Variants in PLEKHM2 observed in about 807,000 individuals in gnomAD.
PLEKHM2 encodes the protein pleckstrin homology and RUN domain containing M2.
Under a neutral mutation model 116.3 loss-of-function variants are expected in PLEKHM2, and 77 were observed. That is an observed-to-expected ratio of 0.66 (90% CI 0.55 to 0.80). The LOEUF is 0.80. PLEKHM2 is among the 30% of genes least tolerant of loss of function. The pLI, the probability that PLEKHM2 is intolerant of heterozygous loss-of-function variation, is 0.00. For synonymous variants in PLEKHM2, 562 were observed against 571.0 expected, an observed-to-expected ratio of 0.98 and a Z score of 0.22; for missense variants, 1,183 against 1,354.9, an observed-to-expected ratio of 0.87 and a Z score of 1.99.
intron 6 of PLEKHM2, chr1:15,720,301 C>T: frequency 1.0e-6 from 1 of 983,668 alleles, no homozygotes; most frequent in Non-Finnish European, 1.2e-6. Context: ...TGTCTGACCC[C>T]ACATTCTTTG....
At chr1:15,703,766 G>A (rs1641165001) in intron 1 of PLEKHM2, among the ~76,000 whole-genome samples, 1 of 152,118 alleles carries the variant, frequency 6.6e-6, no homozygotes, top group African/African-American at 2.4e-5. Flanking sequence ...TTGGCTTGTT[G>A]GAGTGTACCA....
chr1:15,689,227 A>T (rs1426938298), intron 1 of PLEKHM2, among the ~76,000 whole-genome samples: 2 of 149,470 alleles, frequency 1.3e-5, no homozygotes, highest in East Asian at 3.9e-4. Flanking sequence ...CCTGGGCAAA[A>T]AGAGCGAAAC....
rs2068048996 is a variant in PLEKHM2 at position 15,725,357 on chromosome 1, A to G, written c.753A>G (p.Thr251=). The G allele has an allele frequency of 3.2e-6, 5 of 1,551,418 alleles. No homozygotes were observed. In the East Asian group the frequency reaches 1.2e-4, roughly 38 times the overall value. The change falls in exon 8 of 20, where the codon ACA becomes ACG. Residue 251 remains threonine, a synonymous_variant. Coordinates refer to ENST00000375799, the MANE Select transcript of PLEKHM2 (RefSeq NM_015164.4). ...ACACGGTCAGTGGTCCCCGCTCCAC[A>G]GCCTCCGACCTGACCAGCAGCAAGG... ...LTDTVSGPRS[T]ASDLTSSKAS... is the part of the protein sequence containing the mutation.
At chr1:15,688,622 C>T (rs534434874) in intron 1 of PLEKHM2, among the ~76,000 whole-genome samples, 10 of 136,746 alleles carry the variant, frequency 7.3e-5, no homozygotes, top group Non-Finnish European at 1.5e-4. Flanking sequence ...TGCACTCCAG[C>T]GTGGGTGACA....
upstream of PLEKHM2, among the ~76,000 whole-genome samples, chr1:15,683,706 CCCCAGCAGGTGGGGTTGGGG>C (rs1428209817): frequency 6.7e-6 from 1 of 148,742 alleles, no homozygotes; most frequent in African/African-American, 2.5e-5. Flanking sequence ...CTGTGGGGGT[CCCCAGCAGGTGGGGTTGGGG>C]TCTCCGGAGT....
At chr1:15,726,835 G>A (rs2068068771) in intron 8 of PLEKHM2, among the ~76,000 whole-genome samples, 179 bp from the exon 9 acceptor site, 1 of 151,936 alleles carries the variant, frequency 6.6e-6, no homozygotes, top group African/African-American at 2.4e-5. Context: ...GGTGCCTCGG[G>A]GCCTGAGCCA....
At chr1:15,730,822 G>A in intron 15 of PLEKHM2, 100 bp downstream of exon 15, 1 of 952,102 alleles carries the variant, frequency 1.1e-6, no homozygotes, top group Non-Finnish European at 1.6e-6. Flanking sequence ...CACTGAGGGA[G>A]CAGCCTGAGG....
chr1:15,697,519 T>C (rs1465152884), intron 1 of PLEKHM2, among the ~76,000 whole-genome samples: 1 of 152,266 alleles, frequency 6.6e-6, no homozygotes, highest in Non-Finnish European at 1.5e-5. Context: ...CTGTCAATTA[T>C]GCTAGAGATC....
chr1:15,701,556 A>T (rs1641113528), intron 1 of PLEKHM2, among the ~76,000 whole-genome samples: 1 of 152,058 alleles, frequency 6.6e-6, no homozygotes, highest in African/African-American at 2.4e-5. Context: ...TTGGGAGGCC[A>T]AGACAGGTGG....
upstream of PLEKHM2, chr1:15,681,725 T>C (rs1640648244): frequency 2.5e-6 from 1 of 397,384 alleles, no homozygotes; most frequent in Non-Finnish European, 5.1e-6. Flanking sequence ...TTTCTACTCA[T>C]AGATACCTGG....
At chr1:15,733,030 G>A (rs2068168945) in intron 19 of PLEKHM2, among the ~76,000 whole-genome samples, 3 of 152,242 alleles carry the variant, frequency 2.0e-5, no homozygotes, top group Admixed American at 2.0e-4. Context: ...GGGAAGGGGT[G>A]GGCCCTGGGA....
At chr1:15,684,647 C>T in intron 1 of PLEKHM2, 29 bp downstream of exon 1, 2 of 1,218,218 alleles carry the variant, frequency 1.6e-6, no homozygotes, top group Non-Finnish European at 2.1e-6. Context: ...CCGGCCGGGG[C>T]CCCTTCCTCG....
intron 8 of PLEKHM2, among the ~76,000 whole-genome samples, chr1:15,726,651 G>C (rs1322109539): frequency 1.3e-5 from 2 of 152,300 alleles, no homozygotes; most frequent in African/African-American, 2.4e-5. Flanking sequence ...CCGAAGGGGG[G>C]CTGAGTGGAG....
At chr1:15,691,672 G>A (rs1307175072) in intron 1 of PLEKHM2, among the ~76,000 whole-genome samples, 1 of 152,196 alleles carries the variant, frequency 6.6e-6, no homozygotes, top group Non-Finnish European at 1.5e-5. Context: ...GGGATTTACT[G>A]GCGCTGGTGA....
At position 15,719,853 on chromosome 1, in the gene PLEKHM2, C is replaced by G; in HGVS notation, c.585C>G (p.Asn195Lys). The change falls in exon 6 of 20, where the codon AAC (asparagine) becomes AAG (lysine). Residue 195 changes from asparagine to lysine, a missense_variant. Physicochemically the swap from Asn to Lys is moderately conservative, Grantham distance 94 (BLOSUM62 0). Around this residue, in one of 3 missense-constraint regions of PLEKHM2, gnomAD observed 217 missense variants for 277.6 expected, o/e 0.78. Transcript: ENST00000375799. The surrounding 1 kb of genome is among the most constrained non-coding windows in gnomAD (Gnocchi z 4.1). ...ACGGCTCAGACAGTCTGTCCCTCAA[C>G]TCTTTCAACTCCGTCACCTCCACCA... is the stretch of plus-strand genomic sequence containing the variant. Reference protein sequence around the residue: ...SVHGSDSLSLNSFNSVTSTNL... With the variant: ...SVHGSDSLSLKSFNSVTSTNL... The G allele has an allele frequency of 6.2e-7, 1 of 1,613,934 alleles. No homozygotes were observed. Among genetic ancestry groups the G allele is most frequent in the Non-Finnish European group, 8.5e-7 (1 of 1,179,856 alleles).
At chr1:15,703,206 G>A (rs899855378) in intron 1 of PLEKHM2, among the ~76,000 whole-genome samples, 1 of 152,204 alleles carries the variant, frequency 6.6e-6, no homozygotes, top group Non-Finnish European at 1.5e-5. Context: ...GCCAGGCCAG[G>A]CCGGGCCGGG....
Position 15,728,618 on chromosome 1 carries a change from G to A in PLEKHM2, c.1922-51G>A. 4.0e-6 allele frequency: 6 copies of A among 1,487,376 alleles called. No homozygotes were observed. The highest frequency in any genetic ancestry group is 5.6e-6 in the Non-Finnish European group (6 of 1,079,996). 92.1% of individuals were successfully genotyped at this position (1,487,376 alleles called of 1,614,324 possible). ...TGTGTCTAAGAAAATGGGGCAGGGGGAGGGAAAAGAGGCCTGTGGGGATAA... is the reference window on the plus strand; with the variant it reads ...TGTGTCTAAGAAAATGGGGCAGGGGAAGGGAAAAGAGGCCTGTGGGGATAA... On this transcript the variant is annotated intron_variant, in intron 11 of 19. Transcript: ENST00000375799. This position sits in a 1 kb window ranked among gnomAD's most constrained non-coding sequence, Gnocchi z 5.9.
At chr1:15,689,887 G>C (rs1304896123) in intron 1 of PLEKHM2, among the ~76,000 whole-genome samples, 1 of 152,048 alleles carries the variant, frequency 6.6e-6, no homozygotes, top group Non-Finnish European at 1.5e-5. Flanking sequence ...CTCCCAAGTA[G>C]CTGGGATTAC....
intron 6 of PLEKHM2, chr1:15,720,404 G>A (rs1444562321): frequency 7.1e-6 from 7 of 985,098 alleles, no homozygotes; most frequent in Admixed American, 6.2e-5. Context: ...GTGTCCGTCC[G>A]ATTTCTCTGA....
Sources: allele counts gnomAD v4.1 joint callset (sites outside exome capture counted in the v4.1 genomes callset), GRCh38; gene constraint gnomAD v4.1.1; regional missense constraint gnomAD v4.1.1; non-coding constraint Gnocchi (gnomAD v3.1); transcripts MANE v1.5; gene names NCBI Gene and HGNC (gene_info 2026-07-23, HGNC 2026-07-21).